Variants in FBXL7 observed in about 807,000 individuals in gnomAD.
FBXL7 encodes F-box/LRR-repeat protein 7.
A neutral mutation model predicts 38.3 loss-of-function variants in FBXL7; 12 were observed. That is an observed-to-expected ratio of 0.31 (90% CI 0.20 to 0.51). The LOEUF (loss-of-function observed/expected upper bound fraction) is 0.51. Among genes scored for constraint, FBXL7 ranks in the 20% least tolerant of loss-of-function variants. FBXL7 has a pLI of 0.98. For missense variants in FBXL7, 567 were observed against 676.4 expected, an observed-to-expected ratio of 0.84 and a Z score of 1.79; for synonymous variants, 297 against 300.9, an observed-to-expected ratio of 0.99 and a Z score of 0.13.
Position 15,550,133 on chromosome 5 carries a change from C to T in FBXL7, c.37+49420C>T, listed in dbSNP as rs572968548. 2.6e-5 allele frequency among the ~76,000 whole-genome samples: 4 copies of T among 152,312 alleles called. No individual in the cohort carries two copies. The South Asian group carries it at 8.3e-4, about 32-fold the overall frequency. On this transcript the variant is annotated intron_variant, in intron 1 of 3. Coordinates refer to ENST00000504595, the MANE Select transcript of FBXL7 (RefSeq NM_012304.5). ...TTCTCCCAGGTTACACTTTTCTTTC[C>T]ACCTCTCAGGGGTGCACTAAATAAA...
At chr5:15,507,383 G>C (rs948120001) in intron 1 of FBXL7, among the ~76,000 whole-genome samples, 1 of 152,156 alleles carries the variant, frequency 6.6e-6, no homozygotes, top group African/African-American at 2.4e-5. Context: ...AAACAAAACA[G>C]AAAATAGAGG....
At chr5:15,672,754 A>C (rs1328481196) in intron 2 of FBXL7, among the ~76,000 whole-genome samples, 1 of 152,008 alleles carries the variant, frequency 6.6e-6, no homozygotes, top group Non-Finnish European at 1.5e-5. Flanking sequence ...GGGTTTCACC[A>C]TGCTGGCCAG....
At position 15,696,249 on chromosome 5, in the gene FBXL7, TAAGTA is replaced by T. The variant is rs199667112; in HGVS notation, c.127+80180_127+80184del. On this transcript the variant is annotated intron_variant, in intron 2 of 3. Transcript: ENST00000504595. ...ATAGTATATTTAGCCACCCAGAAAT[TAAGTA>T]AATACCATTTAGGATTTCTTAAATG... Among the ~76,000 whole-genome samples the T allele has an allele frequency of 4.3e-3, 656 of 152,324 alleles. 3 individuals are homozygous for T. Among genetic ancestry groups the T allele is most frequent in the African/African-American group, 0.015 (628 of 41,566 alleles).
chr5:15,729,780 C>T (rs10039391), intron 2 of FBXL7, among the ~76,000 whole-genome samples: 3,493 of 152,134 alleles, frequency 0.023, 91 homozygotes, highest in East Asian at 0.069. Flanking sequence ...GCTTACTGTG[C>T]GTCAGGCAGC....
chr5:15,707,547 G>A (rs1253080263), intron 2 of FBXL7, among the ~76,000 whole-genome samples: 1 of 152,158 alleles, frequency 6.6e-6, no homozygotes. Flanking sequence ...ACAGACGTTT[G>A]CATCTGCCAG....
At chr5:15,845,597 T>C (rs570729994) in intron 2 of FBXL7, among the ~76,000 whole-genome samples, 2 of 152,340 alleles carry the variant, frequency 1.3e-5, no homozygotes, top group South Asian at 4.1e-4. Flanking sequence ...TGTTTCATAT[T>C]AAAAGTAGAT....
chr5:15,645,062 C>A (rs1439409873), intron 2 of FBXL7, among the ~76,000 whole-genome samples: 1 of 152,180 alleles, frequency 6.6e-6, no homozygotes, highest in East Asian at 1.9e-4. Flanking sequence ...GCAGTTTTAA[C>A]CACAATCTGG....
intron 2 of FBXL7, among the ~76,000 whole-genome samples, chr5:15,643,907 G>A (rs1354565649): frequency 1.3e-5 from 2 of 152,176 alleles, no homozygotes; most frequent in East Asian, 1.9e-4. Flanking sequence ...GTGCTTAGAT[G>A]TGTGTCTGAC....
At chr5:15,676,617 ATCT>A (rs1241553162) in intron 2 of FBXL7, among the ~76,000 whole-genome samples, 3 of 152,202 alleles carry the variant, frequency 2.0e-5, no homozygotes, top group Non-Finnish European at 2.9e-5. Context: ...TAAATGTTTC[ATCT>A]TCTGTGATTT....
chr5:15,804,306 A>G (rs887358266), intron 2 of FBXL7, among the ~76,000 whole-genome samples: 2 of 151,900 alleles, frequency 1.3e-5, no homozygotes, highest in African/African-American at 4.8e-5. Context: ...CATCTTTACA[A>G]AAAAATTTAA....
chr5:15,744,067 G>A (rs902994205), intron 2 of FBXL7, among the ~76,000 whole-genome samples: 2 of 152,228 alleles, frequency 1.3e-5, no homozygotes, highest in Admixed American at 1.3e-4. Flanking sequence ...TGTGAAGGGA[G>A]GGGCTGCTGT....
intron 2 of FBXL7, among the ~76,000 whole-genome samples, chr5:15,852,573 C>T (rs1739129927): frequency 6.6e-6 from 1 of 151,972 alleles, no homozygotes; most frequent in South Asian, 2.1e-4. Context: ...AATAGAATAC[C>T]GTGCATAGAC....
At chr5:15,777,867 A>C (rs138967999) in intron 2 of FBXL7, among the ~76,000 whole-genome samples, 1 of 151,952 alleles carries the variant, frequency 6.6e-6, no homozygotes, top group Non-Finnish European at 1.5e-5. Flanking sequence ...CTCTCTGGCC[A>C]TATTGAGGAA....
intron 2 of FBXL7, among the ~76,000 whole-genome samples, chr5:15,780,921 G>A (rs1249268273): frequency 6.6e-6 from 1 of 152,102 alleles, no homozygotes; most frequent in East Asian, 1.9e-4. Context: ...TGGTGCAGAA[G>A]GCTCTAAAGA....
intron 2 of FBXL7, among the ~76,000 whole-genome samples, chr5:15,753,650 T>C (rs1317834950): frequency 6.6e-6 from 1 of 152,224 alleles, no homozygotes; most frequent in Admixed American, 6.5e-5. Flanking sequence ...ACTTGTCTTA[T>C]TATTGAAAAA....
chr5:15,897,649 A>G (rs1741136632), intron 2 of FBXL7, among the ~76,000 whole-genome samples: 1 of 152,186 alleles, frequency 6.6e-6, no homozygotes, highest in African/African-American at 2.4e-5. Flanking sequence ...GAAGGGTGGG[A>G]GAGTTTAGGC....
intron 1 of FBXL7, among the ~76,000 whole-genome samples, chr5:15,570,962 C>G (rs2126452158): frequency 6.6e-6 from 1 of 152,034 alleles, no homozygotes; most frequent in Middle Eastern, 3.4e-3. Flanking sequence ...TGTGGTGGCA[C>G]ATGCCTGTAA....
intron 2 of FBXL7, among the ~76,000 whole-genome samples, chr5:15,872,483 T>C (rs1740009268): frequency 6.6e-6 from 1 of 152,174 alleles, no homozygotes; most frequent in Admixed American, 6.5e-5. Context: ...AGGCACAGAC[T>C]GGCAAATTGG....
chr5:15,845,031 C>T (rs138066886), intron 2 of FBXL7, among the ~76,000 whole-genome samples: 13 of 152,320 alleles, frequency 8.5e-5, no homozygotes, highest in Admixed American at 3.9e-4. Context: ...GCTTAGCCAT[C>T]GGCCTTCTGT....
Sources: allele counts gnomAD v4.1 joint callset (sites outside exome capture counted in the v4.1 genomes callset), GRCh38; gene constraint gnomAD v4.1.1; transcripts MANE v1.5; gene names NCBI Gene and HGNC (gene_info 2026-07-23, HGNC 2026-07-21).